The following SH3RF3 variants were observed in gnomAD, a reference collection of about 807,000 sequenced individuals.
SH3RF3 encodes the protein SH3 domain containing ring finger 3, also known as E3 ubiquitin-protein ligase SH3RF3.
A neutral mutation model predicts 66.3 loss-of-function variants in SH3RF3; 29 were observed. The observed-to-expected ratio is 0.44, with a 90% CI of 0.33 to 0.60. SH3RF3 has a LOEUF of 0.60. SH3RF3 is among the 20% of genes least tolerant of loss of function. The pLI is 0.04. For missense variants in SH3RF3, 1,194 were observed against 1,190.9 expected (o/e 1.00, Z -0.04); for synonymous variants, 583 against 532.0 (o/e 1.10, Z -1.32).
intron 1 of SH3RF3, among the ~76,000 whole-genome samples, chr2:109,139,773 C>T (rs897841269): frequency 1.3e-5 from 2 of 152,218 alleles, no homozygotes; most frequent in Non-Finnish European, 2.9e-5. Context: ...GCCCATTGAA[C>T]AATGGAGTTT....
In SH3RF3 at chr2:109,196,211, A is replaced by G. The variant is rs1678495700; in HGVS notation, c.573+66098A>G. Among the ~76,000 whole-genome samples the G allele has an allele frequency of 3.9e-5, 6 of 152,236 alleles. No homozygotes were observed. The South Asian group carries it at 1.2e-3, about 32-fold the overall frequency. Reference sequence around the variant, plus strand: ...GGAGGCCTTGTCCACCCTTGAGGCCATGTCGGGGTGTTTGGGACGGCAGAG... The same window carrying G: ...GGAGGCCTTGTCCACCCTTGAGGCCGTGTCGGGGTGTTTGGGACGGCAGAG... On this transcript the variant is annotated intron_variant, in intron 1 of 9. Coordinates refer to ENST00000309415, the MANE Select transcript of SH3RF3 (RefSeq NM_001099289.3).
chr2:109,326,878 T>G (rs1195544089), intron 1 of SH3RF3, among the ~76,000 whole-genome samples: 1 of 152,180 alleles, frequency 6.6e-6, no homozygotes, highest in African/African-American at 2.4e-5. Context: ...CCCCAGCAGG[T>G]GAGGGGAGAG....
At chr2:109,336,858 A>G (rs1296784742) in intron 1 of SH3RF3, among the ~76,000 whole-genome samples, 1 of 152,088 alleles carries the variant, frequency 6.6e-6, no homozygotes, top group East Asian at 1.9e-4. Context: ...GTATCCGTCA[A>G]CACCTGGTGC....
At chr2:109,288,995 C>A (rs1248711326) in intron 1 of SH3RF3, among the ~76,000 whole-genome samples, 1 of 152,192 alleles carries the variant, frequency 6.6e-6, no homozygotes, top group Non-Finnish European at 1.5e-5. Context: ...AAAAATCATT[C>A]TGGCTGGCAA....
At chr2:109,399,397 G>A (rs548055048) in intron 4 of SH3RF3, among the ~76,000 whole-genome samples, 54 of 151,970 alleles carry the variant, frequency 3.6e-4, no homozygotes, top group African/African-American at 1.2e-3. Flanking sequence ...GAGTACTTTC[G>A]TTACTGTTGT....
chr2:109,176,146 A>G (rs1167230173), intron 1 of SH3RF3, among the ~76,000 whole-genome samples: 2 of 152,188 alleles, frequency 1.3e-5, no homozygotes, highest in African/African-American at 2.4e-5. Context: ...GCCCAGTGCT[A>G]AATCTTGAAA....
intron 1 of SH3RF3, among the ~76,000 whole-genome samples, chr2:109,274,949 T>C (rs1299646862): frequency 1.3e-5 from 2 of 152,094 alleles, no homozygotes; most frequent in Non-Finnish European, 2.9e-5. Context: ...TTGTTCACTT[T>C]AAAATGGTTA....
intron 1 of SH3RF3, among the ~76,000 whole-genome samples, chr2:109,184,544 G>A (rs1210555373): frequency 2.0e-5 from 3 of 152,168 alleles, no homozygotes; most frequent in Non-Finnish European, 4.4e-5. Flanking sequence ...AGGCTGAGCT[G>A]TTGCTTAGCT....
At position 109,235,467 on chromosome 2, in the gene SH3RF3, A is replaced by G. The variant is rs183946347; in HGVS notation, c.573+105354A>G. ...GTTACTTTTGAGAGCAAGGGGCCCT[A>G]TTAACCCTCATGCCAGGACAACAGG... is the stretch of plus-strand genomic sequence containing the variant. On this transcript the variant is annotated intron_variant, in intron 1 of 9. Transcript: ENST00000309415. Among the ~76,000 whole-genome samples the G allele has an allele frequency of 1.1e-3, 171 of 152,330 alleles. 1 individual carries two copies. Among genetic ancestry groups the G allele is most frequent in the African/African-American group, 3.9e-3 (161 of 41,576 alleles).
intron 1 of SH3RF3, among the ~76,000 whole-genome samples, chr2:109,312,347 C>A (rs1011911853): frequency 6.6e-6 from 1 of 152,082 alleles, no homozygotes; most frequent in Non-Finnish European, 1.5e-5. Context: ...ACAAGTTTAA[C>A]GGGTTTTTTA....
intron 4 of SH3RF3, among the ~76,000 whole-genome samples, chr2:109,406,843 G>A (rs1002529851): frequency 1.3e-5 from 2 of 152,174 alleles, no homozygotes; most frequent in African/African-American, 4.8e-5. Flanking sequence ...GCGCATTTCA[G>A]TGGTCGAAGC....
At chr2:109,159,136 G>T (rs1050246605) in intron 1 of SH3RF3, among the ~76,000 whole-genome samples, 1 of 112,616 alleles carries the variant, frequency 8.9e-6, no homozygotes, top group Admixed American at 8.7e-5. Flanking sequence ...AAACAAAAAG[G>T]TGCCCTTACA....
At chr2:109,312,321 C>G (rs550388449) in intron 1 of SH3RF3, among the ~76,000 whole-genome samples, 6 of 152,150 alleles carry the variant, frequency 3.9e-5, no homozygotes, top group Non-Finnish European at 8.8e-5. Flanking sequence ...GCTTGCTCCT[C>G]TTTCTAATAA....
chr2:109,360,073 A>G (rs1035762793), intron 2 of SH3RF3, among the ~76,000 whole-genome samples: 22 of 152,114 alleles, frequency 1.4e-4, no homozygotes, highest in Non-Finnish European at 2.5e-4. Context: ...CAAAAAAAAA[A>G]AAAAAAAAGT....
chr2:109,170,232 CTCTTCTTT>C (rs1166114389), intron 1 of SH3RF3, among the ~76,000 whole-genome samples: 45 of 50,824 alleles, frequency 8.9e-4, no homozygotes, highest in Non-Finnish European at 1.1e-3. Context: ...CTCTTCTCTT[CTCTTCTTT>C]TCTTTTCTCT....
At chr2:109,432,463 G>A in intron 5 of SH3RF3, 38 bp from the exon 6 acceptor site, 1 of 1,608,926 alleles carries the variant, frequency 6.2e-7, no homozygotes, top group Middle Eastern at 1.7e-4. Flanking sequence ...ATCCCCAGGA[G>A]GGCTCCCACT....
At chr2:109,224,718 A>G (rs1282157663) in intron 1 of SH3RF3, among the ~76,000 whole-genome samples, 2 of 152,166 alleles carry the variant, frequency 1.3e-5, no homozygotes, top group Non-Finnish European at 2.9e-5. Context: ...TTAGCCCAGC[A>G]TGGTGGTGGG....
chr2:109,419,599 G>A lies in SH3RF3; in HGVS notation c.1360G>A (p.Gly454Arg), dbSNP rs1676818406. 1.3e-6 allele frequency: 2 copies of A among 1,595,754 alleles called. No homozygotes were observed. Among genetic ancestry groups the A allele is most frequent in the Admixed American group, 1.7e-5 (1 of 57,550 alleles). ...TGTCCCACGGGCTGCCTCGGTGTCT[G>A]GAGAGCAGGGCACGCCTCCCAAGGT... Reference protein sequence around the residue: ...TAVPRAASVSGEQGTPPKVQL... With the variant: ...TAVPRAASVSREQGTPPKVQL... Residue 454 changes from glycine (G) to arginine (R), a missense_variant, in exon 5 of 10, where the codon GGA becomes AGA. Transcript: ENST00000309415.
chr2:109,142,044 G>GGC (rs1553475041), intron 1 of SH3RF3, among the ~76,000 whole-genome samples: 2 of 43,012 alleles, frequency 4.6e-5, no homozygotes, highest in Non-Finnish European at 1.5e-4. Context: ...TGAGTCTCCT[G>GGC]GGGGGGGGGT....
Sources: allele counts gnomAD v4.1 joint callset (sites outside exome capture counted in the v4.1 genomes callset), GRCh38; gene constraint gnomAD v4.1.1; transcripts MANE v1.5; gene names NCBI Gene and HGNC (gene_info 2026-07-23, HGNC 2026-07-21).